The following PRKAG2 variants were observed in gnomAD, a reference collection of about 807,000 sequenced individuals.
PRKAG2 encodes the protein 5'-AMP-activated protein kinase subunit gamma-2.
A neutral mutation model predicts 69.6 loss-of-function variants in PRKAG2; 26 were observed. The ratio of observed to expected loss-of-function variants is 0.37; its 90% CI spans 0.27 to 0.52. PRKAG2 has a LOEUF of 0.52. PRKAG2 is among the 20% of genes least tolerant of loss of function. The pLI is 0.90. For synonymous variants in PRKAG2, 293 were observed against 285.0 expected (o/e 1.03, Z -0.28); for missense variants, 557 against 740.0 (o/e 0.75, Z 2.87).
At chr7:151,833,838 C>T (rs2079090931) in intron 1 of PRKAG2, among the ~76,000 whole-genome samples, 1 of 152,182 alleles carries the variant, frequency 6.6e-6, no homozygotes, top group African/African-American at 2.4e-5. Context: ...CCCCAGATGG[C>T]GGGAGGGGGT....
chr7:151,822,609 G>A (rs554760767), intron 1 of PRKAG2, among the ~76,000 whole-genome samples: 21 of 152,266 alleles, frequency 1.4e-4, no homozygotes, highest in Admixed American at 9.1e-4. Context: ...ACGGTGAGCC[G>A]GCCCCGCTGC....
intron 1 of PRKAG2, among the ~76,000 whole-genome samples, chr7:151,861,987 G>A (rs1586740680): frequency 1.3e-5 from 2 of 151,650 alleles, no homozygotes; most frequent in Non-Finnish European, 2.9e-5. Context: ...TATGAGGGAC[G>A]GCTAGGTCCA....
At chr7:151,617,854 A>C (rs1223743373) in intron 5 of PRKAG2, among the ~76,000 whole-genome samples, 1 of 152,122 alleles carries the variant, frequency 6.6e-6, no homozygotes, top group Non-Finnish European at 1.5e-5. Flanking sequence ...ATTCCACAAA[A>C]AATTATCAGT....
At chr7:151,569,272 CG>C (rs1214392388) in intron 10 of PRKAG2, among the ~76,000 whole-genome samples, 36 of 152,354 alleles carry the variant, frequency 2.4e-4, no homozygotes, top group Admixed American at 2.4e-3. Flanking sequence ...TGAGCTTAAG[CG>C]ATCCACCCAC....
chr7:151,648,464 G>C (rs1827924208), intron 4 of PRKAG2, among the ~76,000 whole-genome samples: 1 of 152,166 alleles, frequency 6.6e-6, no homozygotes, highest in Non-Finnish European at 1.5e-5. Flanking sequence ...ATGAAGGGCT[G>C]GGGCACCCGG....
chr7:151,686,689 T>C (rs1430204409), intron 3 of PRKAG2, among the ~76,000 whole-genome samples: 1 of 152,078 alleles, frequency 6.6e-6, no homozygotes, highest in Non-Finnish European at 1.5e-5. Context: ...CAGGACCCCC[T>C]CTCTCAGCAG....
intron 5 of PRKAG2, among the ~76,000 whole-genome samples, chr7:151,626,304 G>C (rs1001744847): frequency 2.6e-5 from 4 of 152,146 alleles, no homozygotes; most frequent in Admixed American, 6.5e-5. Context: ...CCAAGTCGGA[G>C]ACACCACCAA....
intron 6 of PRKAG2, among the ~76,000 whole-genome samples, chr7:151,594,709 C>T (rs187001292): frequency 3.8e-4 from 58 of 152,306 alleles, no homozygotes; most frequent in Non-Finnish European, 6.9e-4. Context: ...GGTTCTAACA[C>T]ACATTAGACA....
chr7:151,695,734 G>T (rs1167417962), intron 3 of PRKAG2, among the ~76,000 whole-genome samples: 1 of 152,180 alleles, frequency 6.6e-6, no homozygotes. Flanking sequence ...GGGTGGCGTT[G>T]CTTCCAAGGT....
intron 3 of PRKAG2, among the ~76,000 whole-genome samples, chr7:151,733,941 CACCTCA>C (rs1342686648): frequency 6.6e-6 from 1 of 152,070 alleles, no homozygotes; most frequent in Admixed American, 6.5e-5. Context: ...GCAGTCCTCC[CACCTCA>C]ACCTCCCAAA....
At chr7:151,639,307 G>A (rs1449098323) in intron 4 of PRKAG2, among the ~76,000 whole-genome samples, 1 of 152,210 alleles carries the variant, frequency 6.6e-6, no homozygotes, top group Non-Finnish European at 1.5e-5. Flanking sequence ...CGGGCAGCTT[G>A]AGCTCCTCCA....
chr7:151,763,130 C>T (rs994285585), intron 3 of PRKAG2, among the ~76,000 whole-genome samples: 1 of 152,256 alleles, frequency 6.6e-6, no homozygotes. Flanking sequence ...TCCATCCCCT[C>T]GCTACCAGCT....
In PRKAG2 at chr7:151,708,529, G is replaced by A. The variant is rs115464173; in HGVS notation, c.467-32892C>T. Among the ~76,000 whole-genome samples, 1,429 of 152,266 alleles carry A rather than the reference G, an allele frequency of 9.4e-3. 21 individuals carry two copies. Among genetic ancestry groups the A allele is most frequent in the African/African-American group, 0.033 (1,354 of 41,550 alleles). On this transcript the variant is annotated intron_variant, in intron 3 of 15. Coordinates refer to ENST00000287878, the MANE Select transcript of PRKAG2 (RefSeq NM_016203.4). ...TTTAGCAAAGGAATGCATTTGTAAC[G>A]AAGGATTTTCAGCCACCGAGCCAGC...
At chr7:151,631,626 GAC>G in intron 5 of PRKAG2, 1 of 454,048 alleles carries the variant, frequency 2.2e-6, no homozygotes, top group Non-Finnish European at 4.4e-6. Context: ...TAAAAAAGAA[GAC>G]ACACCCTACC....
In PRKAG2 at chr7:151,828,711, G is replaced by A. The variant is rs564193373; in HGVS notation, c.115-42170C>T. ...CAAAATGGGAGGACTGCTTGAGCTC[G>A]GGAGTTTGAGACCAGACTGGACAAC... On this transcript the variant is annotated intron_variant, in intron 1 of 15. Coordinates refer to ENST00000287878, the MANE Select transcript of PRKAG2 (RefSeq NM_016203.4). The surrounding 1 kb of genome is among the most constrained non-coding windows in gnomAD (Gnocchi z 4.6). Among the ~76,000 whole-genome samples the A allele has an allele frequency of 2.1e-3, 315 of 151,920 alleles. 1 individual carries two copies. The highest frequency in any genetic ancestry group is 3.2e-3 in the Non-Finnish European group (219 of 67,976).
intron 4 of PRKAG2, among the ~76,000 whole-genome samples, chr7:151,648,342 G>A (rs1034884823): frequency 6.6e-6 from 1 of 152,174 alleles, no homozygotes; most frequent in Admixed American, 6.5e-5. Context: ...ATACAAAAAT[G>A]TCGCTATGAA....
At position 151,632,883 on chromosome 7, in the gene PRKAG2, C is replaced by T. The variant is rs1423189963; in HGVS notation, c.685-745G>A. ...CCGAGTGTCTTCTCGGTTGGGGAGC[C>T]GCTGCCAAAAACGTACACACCCTGA... On this transcript the variant is annotated intron_variant, in intron 4 of 15. Transcript: ENST00000287878. This position sits in a 1 kb window ranked among gnomAD's most constrained non-coding sequence, Gnocchi z 4.2. The T allele has an allele frequency of 6.7e-6, 1 of 149,080 alleles. No individual in the cohort carries two copies. Among genetic ancestry groups the T allele is most frequent in the African/African-American group, 2.5e-5 (1 of 40,368 alleles). 9.2% of individuals were successfully genotyped at this position (149,080 alleles called of 1,614,324 possible). A position where few individuals can be genotyped will look rare whatever the true frequency, so the allele number is the denominator to read the frequency against.
rs1236351749 is a variant in PRKAG2 at position 151,836,101 on chromosome 7, C to T, written c.114+40406G>A. Among the ~76,000 whole-genome samples the T allele has an allele frequency of 6.6e-6, 1 of 152,216 alleles. No individual in the cohort carries two copies. The highest frequency in any genetic ancestry group is 1.5e-5 in the Non-Finnish European group (1 of 68,034). On this transcript the variant is annotated intron_variant, in intron 1 of 15. Transcript: ENST00000287878. The surrounding 1 kb of genome is among the most constrained non-coding windows in gnomAD (Gnocchi z 4.1). The stretch of plus-strand genomic sequence containing the variant: ...GTTTTAAACCAGTGAGATGTGATTA[C>T]AATGAATATTCATGACCGCTTCCCA...
chr7:151,698,832 A>G (rs748158039), intron 3 of PRKAG2, among the ~76,000 whole-genome samples: 45 of 152,338 alleles, frequency 3.0e-4, no homozygotes, highest in South Asian at 4.1e-4. Flanking sequence ...TCCACATTAC[A>G]GGCAGGGGAA....
Sources: gnomAD v4.1 joint callset for allele counts (sites outside exome capture counted in the v4.1 genomes callset) on GRCh38, gnomAD v4.1.1 for gene constraint, Gnocchi (gnomAD v3.1) non-coding constraint, MANE v1.5 for transcripts, NCBI Gene and HGNC (gene_info 2026-07-23, HGNC 2026-07-21) for gene names.